Variants in CPS1 observed in about 807,000 individuals in gnomAD.
CPS1 encodes carbamoyl-phosphate synthase 1.
CPS1 carries 109 observed loss-of-function variants against 174.6 expected under a neutral mutation model. The observed-to-expected ratio is 0.62, with a 90% CI of 0.53 to 0.73. CPS1 has a LOEUF of 0.73. CPS1 is among the 30% of genes least tolerant of loss of function. CPS1 has a pLI of 0.00. For synonymous variants in CPS1, 637 were observed against 632.0 expected (o/e 1.01, Z -0.12); for missense variants, 1,689 against 1,821.9 (o/e 0.93, Z 1.33).
At position 210,605,261 on chromosome 2, in the gene CPS1, T is replaced by G. The variant is rs1219025792; in HGVS notation, c.1981+15T>G. 6.2e-7 allele frequency: 1 copy of G among 1,611,536 alleles called. No homozygotes were observed. Among genetic ancestry groups the G allele is most frequent in the South Asian group, 1.1e-5 (1 of 91,042 alleles). On this transcript the variant is annotated intron_variant, in intron 17 of 37. Transcript: ENST00000233072. ...TGTTCACACAGGTAGGCAAAGTATC[T>G]TCAAGAACTATAGTAATGCTTTCAG...
intron 2 of CPS1, among the ~76,000 whole-genome samples, chr2:210,575,600 C>A (rs955329147): frequency 6.6e-6 from 1 of 151,756 alleles, no homozygotes; most frequent in African/African-American, 2.4e-5. Flanking sequence ...TCCTGCATTC[C>A]TCCCTAATTC....
intron 1 of CPS1, among the ~76,000 whole-genome samples, chr2:210,547,093 C>T (rs948891941): frequency 4.6e-5 from 7 of 152,122 alleles, no homozygotes; most frequent in Admixed American, 4.6e-4. Context: ...AGCGCTGCCC[C>T]ACACCATTGT....
At chr2:210,570,545 T>G (rs1697441169) in intron 1 of CPS1, among the ~76,000 whole-genome samples, 1 of 151,858 alleles carries the variant, frequency 6.6e-6, no homozygotes, top group Admixed American at 6.6e-5. Flanking sequence ...TAAACAAAGG[T>G]AATATTTTAA....
intron 25 of CPS1, among the ~76,000 whole-genome samples, chr2:210,646,608 A>G (rs1054464890): frequency 6.6e-6 from 1 of 152,204 alleles, no homozygotes; most frequent in Non-Finnish European, 1.5e-5. Flanking sequence ...CACACAAATT[A>G]TGCTAAGCTC....
intron 10 of CPS1, 85 bp from the exon 11 acceptor site, chr2:210,592,794 G>A (rs766873277): frequency 5.3e-6 from 7 of 1,327,104 alleles, no homozygotes; most frequent in Admixed American, 3.4e-5. Context: ...TTAAATTTGA[G>A]CTTTATTGTT....
chr2:210,492,137 T>C (rs1039905266), intron 1 of CPS1, among the ~76,000 whole-genome samples: 4 of 152,242 alleles, frequency 2.6e-5, no homozygotes, highest in Non-Finnish European at 5.9e-5. Flanking sequence ...TTCTGTGCAA[T>C]ACCATGTTAT....
At chr2:210,659,730 A>G (rs1377873280) in intron 31 of CPS1, among the ~76,000 whole-genome samples, 1 of 152,250 alleles carries the variant, frequency 6.6e-6, no homozygotes, top group Admixed American at 6.5e-5. Flanking sequence ...GTAAATTTGT[A>G]GAAAACTATA....
Position 210,591,920 on chromosome 2 carries a change from C to G in CPS1, c.1037C>G (p.Pro346Arg). The change falls in exon 10 of 38, where the codon CCT (proline) becomes CGT (arginine). Residue 346 changes from proline (P) to arginine (R), a missense_variant. Physicochemically the swap from Pro to Arg is moderately radical, Grantham distance 103. Transcript: ENST00000233072. ...GGCTATGCCTTGGACAACACCCTCC[C>G]TGCTGGCTGGAAACCACTTTTTGTG... ...NHGYALDNTL[P>R]AGWKPLFVNV... 1.2e-6 allele frequency: 2 copies of G among 1,612,366 alleles called. No homozygotes were observed. The highest frequency in any genetic ancestry group is 1.7e-6 in the Non-Finnish European group (2 of 1,179,016).
chr2:210,606,577 A>G lies in CPS1; in HGVS notation c.1982-154A>G, dbSNP rs1197488147. 2.6e-5 allele frequency among the ~76,000 whole-genome samples: 4 copies of G among 151,868 alleles called. No individual in the cohort carries two copies. In the East Asian group the frequency reaches 7.8e-4, roughly 30 times the overall value. Reference sequence around the variant, plus strand: ...AGTACTGTATCAGAGTAATATGGGCAAAACAGGAATTGGGGGAATACCTGA... The same window carrying G: ...AGTACTGTATCAGAGTAATATGGGCGAAACAGGAATTGGGGGAATACCTGA... On this transcript the variant is annotated intron_variant, in intron 17 of 37. Coordinates refer to ENST00000233072, the MANE Select transcript of CPS1 (RefSeq NM_001875.5).
chr2:210,529,800 T>A (rs1392561585), intron 1 of CPS1, among the ~76,000 whole-genome samples: 4 of 151,990 alleles, frequency 2.6e-5, no homozygotes, highest in Non-Finnish European at 5.9e-5. Context: ...TGGTTTCATC[T>A]TAACTGCATT....
At chr2:210,597,747 C>T (rs1266016826) in intron 13 of CPS1, among the ~76,000 whole-genome samples, 2 of 151,624 alleles carry the variant, frequency 1.3e-5, no homozygotes, top group Non-Finnish European at 2.9e-5. Context: ...AAACAATTAT[C>T]CTTAGTAGCC....
chr2:210,513,815 T>A (rs1291818220), intron 1 of CPS1, among the ~76,000 whole-genome samples: 1 of 152,094 alleles, frequency 6.6e-6, no homozygotes, highest in Non-Finnish European at 1.5e-5. Context: ...ATTCTTATAG[T>A]TTGAGGTCTT....
At chr2:210,520,928 T>C (rs934432938) in intron 1 of CPS1, among the ~76,000 whole-genome samples, 2 of 152,076 alleles carry the variant, frequency 1.3e-5, no homozygotes, top group African/African-American at 4.8e-5. Flanking sequence ...GCAAAAGTTT[T>C]ATGGGCATAT....
intron 1 of CPS1, among the ~76,000 whole-genome samples, chr2:210,516,457 C>T (rs1002101077): frequency 1.3e-5 from 2 of 151,738 alleles, no homozygotes; most frequent in African/African-American, 2.4e-5. Context: ...GTTCACAATC[C>T]TTTCACTTCT....
chr2:210,609,964 G>A (rs1021400829), intron 19 of CPS1, among the ~76,000 whole-genome samples: 1 of 151,924 alleles, frequency 6.6e-6, no homozygotes, highest in Non-Finnish European at 1.5e-5. Context: ...ACTAATGAAA[G>A]ATTTTAAAGT....
At chr2:210,557,022 A>G (rs1261469889) in intron 1 of CPS1, among the ~76,000 whole-genome samples, 163 bp downstream of exon 1, 1 of 152,102 alleles carries the variant, frequency 6.6e-6, no homozygotes, top group Non-Finnish European at 1.5e-5. Flanking sequence ...AGCAAATGCT[A>G]ATTTTTATCT....
chr2:210,660,779 A>T, intron 32 of CPS1, 124 bp downstream of exon 32: 1 of 949,854 alleles, frequency 1.1e-6, no homozygotes, highest in Non-Finnish European at 1.6e-6. Flanking sequence ...AGGGATTTAC[A>T]TTTCCTTTCA....
rs761343774 is a variant in CPS1, at chr2:210,600,617, G to C, written c.1612G>C (p.Val538Leu). ...EYGVKVLGTSVESIMATEDRQ... is the reference protein window; with the variant it reads ...EYGVKVLGTSLESIMATEDRQ... ...TGGTGTGAAAGTCCTGGGAACTTCA[G>C]TTGAGTCCATTATGGCTACGGAAGA... The change falls in exon 15 of 38, where the codon GTT becomes CTT. Residue 538 changes from valine (V) to leucine (L), a missense_variant. Transcript: ENST00000233072. 1.2e-6 allele frequency: 2 copies of C among 1,612,364 alleles called. No homozygotes were observed. The highest frequency in any genetic ancestry group is 1.7e-6 in the Non-Finnish European group (2 of 1,178,920).
chr2:210,561,608 C>T (rs761113764), intron 1 of CPS1, among the ~76,000 whole-genome samples: 6 of 152,070 alleles, frequency 3.9e-5, no homozygotes, highest in Non-Finnish European at 7.4e-5. Context: ...CACTTCAAGC[C>T]TTCAGGAGGA....
Sources: gnomAD v4.1 joint callset for allele counts (sites outside exome capture counted in the v4.1 genomes callset) on GRCh38, gnomAD v4.1.1 for gene constraint, MANE v1.5 for transcripts, NCBI Gene and HGNC (gene_info 2026-07-23, HGNC 2026-07-21) for gene names.